The following VAMP8 variants were observed in gnomAD, a reference collection of about 807,000 sequenced individuals.
VAMP8 encodes vesicle associated membrane protein 8.
Under a neutral mutation model 11.4 loss-of-function variants are expected in VAMP8, and 9 were observed. The ratio of observed to expected loss-of-function variants is 0.79; its 90% CI spans 0.48 to 1.38. VAMP8 has a LOEUF of 1.38. Ranked by LOEUF, VAMP8 falls within the 40% of genes most tolerant of loss-of-function variation. VAMP8 has a pLI of 0.00. For missense variants in VAMP8, 108 were observed against 127.8 expected (o/e 0.85, Z 0.75); for synonymous variants, 42 against 44.7 (o/e 0.94, Z 0.24).
chr2:85,577,915 G>A (rs1407101602), intron 1 of VAMP8, among the ~76,000 whole-genome samples: 1 of 152,208 alleles, frequency 6.6e-6, no homozygotes, highest in Non-Finnish European at 1.5e-5. Flanking sequence ...TGGGGGCTCC[G>A]AATTCCAGGC....
At chr2:85,578,803 T>TA (rs1672321651) in intron 1 of VAMP8, among the ~76,000 whole-genome samples, 1 of 152,210 alleles carries the variant, frequency 6.6e-6, no homozygotes, top group South Asian at 2.1e-4. Context: ...TCTAGTCTGT[T>TA]CAGCATCACA....
intron 2 of VAMP8, chr2:85,579,947 T>C: frequency 6.7e-7 from 1 of 1,490,318 alleles, no homozygotes; most frequent in Non-Finnish European, 8.9e-7. Context: ...TTGGGGAGCA[T>C]GGCCCCGGGA....
chr2:85,579,880 G>A (rs1338548638), intron 2 of VAMP8: 4 of 1,550,002 alleles, frequency 2.6e-6, no homozygotes, highest in Non-Finnish European at 3.5e-6. Context: ...CTTGGGTATT[G>A]CTCCCTTGTC....
rs1166707977 is a variant in VAMP8, at chr2:85,579,061, A to G, written c.56A>G (p.Glu19Gly). The stretch of plus-strand genomic sequence containing the variant: ...GATCGTGTGCGGAACCTGCAAAGTG[A>G]GGTGGAGGGAGTTAAGAATATTATG... ...GNDRVRNLQS[E>G]VEGVKNIMTQ... The change falls in exon 2 of 3, where the codon GAG (glutamate) becomes GGG (glycine). Residue 19 changes from glutamate (E) to glycine (G), a missense_variant. By Grantham distance (98) the Glu-to-Gly change is moderately conservative. Coordinates refer to ENST00000263864, the MANE Select transcript of VAMP8 (RefSeq NM_003761.5). 6.2e-7 allele frequency: 1 copy of G among 1,608,318 alleles called. No individual in the cohort carries two copies.
In VAMP8 at chr2:85,581,567, C is replaced by G. The variant is rs1480966231; in HGVS notation, c.163-9C>G. The G allele has an allele frequency of 1.2e-6, 2 of 1,613,774 alleles. No homozygotes were observed. Among genetic ancestry groups the G allele is most frequent in the African/African-American group, 2.7e-5 (2 of 74,880 alleles). ...CACTGGGTCACTCACTCTGCCTTTT[C>G]CCCAACAGTCTGAGCACTTCAAGAC... On this transcript the variant is annotated splice_polypyrimidine_tract_variant and intron_variant, in intron 2 of 2. Coordinates refer to ENST00000263864, the MANE Select transcript of VAMP8 (RefSeq NM_003761.5).
rs1445476791 is a variant in VAMP8 at position 85,577,615 on chromosome 2, C to A, written c.-32C>A. On this transcript the variant is annotated 5_prime_UTR_variant, in exon 1 of 3. Transcript: ENST00000263864. ...TGGGAGGAAGCCGACTAGGCGAATT[C>A]ACTTACTGACCGGCCTGGGCTGCTC... 6.4e-7 allele frequency: 1 copy of A among 1,551,848 alleles called. No individual in the cohort carries two copies. The highest frequency in any genetic ancestry group is 8.7e-7 in the Non-Finnish European group (1 of 1,147,186).
At chr2:85,580,758 C>G (rs1672363370) in intron 2 of VAMP8, among the ~76,000 whole-genome samples, 1 of 150,880 alleles carries the variant, frequency 6.6e-6, no homozygotes. Flanking sequence ...CCTCCGCCTC[C>G]CAGGTTCAAG....
Position 85,579,135 on chromosome 2 carries a change from C to A in VAMP8, c.130C>A (p.Leu44Ile). The change falls in exon 2 of 3, where the codon CTC (leucine) becomes ATC (isoleucine). Residue 44 changes from leucine (L) to isoleucine (I), a missense_variant. Leu to Ile is a conservative substitution (Grantham distance 5). Coordinates refer to ENST00000263864, the MANE Select transcript of VAMP8 (RefSeq NM_003761.5). ...GGCCCGGGGGGAAAACTTGGAACAT[C>A]TCCGCAACAAGACAGAGGATCTGGA... ...ILARGENLEH[L>I]RNKTEDLEAT... 1.2e-6 allele frequency: 2 copies of A among 1,607,898 alleles called. No homozygotes were observed. The highest frequency in any genetic ancestry group is 1.7e-6 in the Non-Finnish European group (2 of 1,176,454).
intron 2 of VAMP8, 23 bp downstream of exon 2, chr2:85,579,190 G>A: frequency 6.4e-7 from 1 of 1,555,068 alleles, no homozygotes; most frequent in Non-Finnish European, 8.7e-7. Flanking sequence ...GCCCACTGGG[G>A]GCTGGAGGAA....
chr2:85,581,826 C>T lies in VAMP8; in HGVS notation c.*110C>T, dbSNP rs898312651. The T allele has an allele frequency of 4.9e-6, 7 of 1,429,404 alleles. No individual in the cohort carries two copies. The African/African-American group carries it at 7.1e-5, about 15-fold the overall frequency. The allele number at this position is 1,429,404 out of a possible 1,614,324, so 88.5% of individuals were successfully genotyped here. A position where few individuals can be genotyped will look rare whatever the true frequency, so the allele number is the denominator to read the frequency against. On this transcript the variant is annotated 3_prime_UTR_variant, in exon 3 of 3. Transcript: ENST00000263864. Reference sequence around the variant, plus strand: ...TCCTCTACAGAGAATGCTGCTCGGTCCTCCTACCCCTCTTCCCGAGGCCCT... The same window carrying T: ...TCCTCTACAGAGAATGCTGCTCGGTTCTCCTACCCCTCTTCCCGAGGCCCT...
At chr2:85,577,914 C>T (rs889898356) in intron 1 of VAMP8, among the ~76,000 whole-genome samples, 3 of 152,154 alleles carry the variant, frequency 2.0e-5, no homozygotes, top group African/African-American at 7.2e-5. Context: ...ATGGGGGCTC[C>T]GAATTCCAGG....
chr2:85,579,935 A>G, intron 2 of VAMP8: 2 of 1,502,206 alleles, frequency 1.3e-6, no homozygotes, highest in Non-Finnish European at 1.8e-6. Flanking sequence ...TTGTAGCTTA[A>G]TTTGGGGAGC....
intron 2 of VAMP8, among the ~76,000 whole-genome samples, chr2:85,579,559 C>T (rs1672335187): frequency 6.6e-6 from 1 of 152,202 alleles, no homozygotes; most frequent in Non-Finnish European, 1.5e-5. Flanking sequence ...CCGCTGTGGC[C>T]TCTAGCCTTC....
At chr2:85,578,494 A>G (rs1672317510) in intron 1 of VAMP8, among the ~76,000 whole-genome samples, 1 of 152,182 alleles carries the variant, frequency 6.6e-6, no homozygotes, top group South Asian at 2.1e-4. Flanking sequence ...CAGCAATGGC[A>G]TTGCGGCCAG....
At chr2:85,579,384 G>A (rs1371139361) in intron 2 of VAMP8, among the ~76,000 whole-genome samples, 1 of 152,208 alleles carries the variant, frequency 6.6e-6, no homozygotes, top group Non-Finnish European at 1.5e-5. Flanking sequence ...TGGGGCTTGA[G>A]GTGGCAGCTC....
intron 2 of VAMP8, chr2:85,579,926 T>C (rs1423038332): frequency 6.6e-7 from 1 of 1,516,990 alleles, no homozygotes; most frequent in Non-Finnish European, 8.8e-7. Context: ...GTAGCTTAAT[T>C]GTAGCTTAAT....
At chr2:85,578,167 TTGGTTC>T (rs1672313070) in intron 1 of VAMP8, among the ~76,000 whole-genome samples, 1 of 152,104 alleles carries the variant, frequency 6.6e-6, no homozygotes, top group Non-Finnish European at 1.5e-5. Context: ...GAACCAGAAG[TTGGTTC>T]TCTGTGATAA....
chr2:85,577,727 C>T lies in VAMP8; in HGVS notation c.3+78C>T, dbSNP rs370015241. 8,366 of 1,545,584 alleles carry T rather than the reference C, an allele frequency of 5.4e-3. 30 individuals carry two copies. The highest frequency in any genetic ancestry group is 6.9e-3 in the Non-Finnish European group (7,828 of 1,142,540). On this transcript the variant is annotated intron_variant, in intron 1 of 2. Transcript: ENST00000263864. Reference sequence around the variant, plus strand: ...GCTTGGGACTGGGGGTTGGCTGTGTCGGGGGAGGAGAGTTGGTGGCAAAGT... The same window carrying T: ...GCTTGGGACTGGGGGTTGGCTGTGTTGGGGGAGGAGAGTTGGTGGCAAAGT...
intron 2 of VAMP8, among the ~76,000 whole-genome samples, chr2:85,580,659 ATTTTTTTT>A (rs372301674): frequency 3.8e-5 from 4 of 104,560 alleles, no homozygotes; most frequent in African/African-American, 1.1e-4. Flanking sequence ...CAGATACAGC[ATTTTTTTT>A]TTTTTTTTTT....
Sources: allele counts gnomAD v4.1 joint callset (sites outside exome capture counted in the v4.1 genomes callset), GRCh38; gene constraint gnomAD v4.1.1; transcripts MANE v1.5; gene names NCBI Gene and HGNC (gene_info 2026-07-23, HGNC 2026-07-21).